KIAA0232: variants seen among roughly 807,000 people sequenced by gnomAD.
The protein encoded by KIAA0232 is uncharacterized protein KIAA0232.
Under a neutral mutation model 122.0 loss-of-function variants are expected in KIAA0232, and 27 were observed. The observed-to-expected ratio is 0.22, with a 90% CI of 0.16 to 0.31. The LOEUF is 0.31. Ranked by LOEUF, KIAA0232 falls within the 10% of genes least tolerant of loss-of-function variation. The pLI is 1.00. For missense variants in KIAA0232, 1,551 were observed against 1,634.2 expected (o/e 0.95, Z 0.88); for synonymous variants, 613 against 587.6 (o/e 1.04, Z -0.63).
At position 6,863,037 on chromosome 4, in the gene KIAA0232, G is replaced by T. The variant is rs1577408838; in HGVS notation, c.2655G>T (p.Leu885=). The part of the protein sequence containing the change: ...DKAVRRSEYH[L]WEGQKESLEK... ...CTGTGCGGAGGTCAGAGTACCATCTGTGGGAGGGACAGAAAGAGAGCCTGG... is the reference window on the plus strand; with the variant it reads ...CTGTGCGGAGGTCAGAGTACCATCTTTGGGAGGGACAGAAAGAGAGCCTGG... Residue 885 remains leucine (L), a synonymous_variant, in exon 7 of 10, where the codon CTG becomes CTT. Transcript: ENST00000307659. The T allele has an allele frequency of 6.2e-7, 1 of 1,614,250 alleles. No individual in the cohort carries two copies. Among genetic ancestry groups the T allele is most frequent in the Non-Finnish European group, 8.5e-7 (1 of 1,180,042 alleles).
At chr4:6,844,366 T>G (rs1719841592) in intron 4 of KIAA0232, among the ~76,000 whole-genome samples, 1 of 152,130 alleles carries the variant, frequency 6.6e-6, no homozygotes, top group African/African-American at 2.4e-5. Context: ...ATCCAATTAT[T>G]TTTTCTCTTC....
intron 4 of KIAA0232, among the ~76,000 whole-genome samples, chr4:6,849,143 C>T (rs901314019): frequency 6.6e-6 from 1 of 152,164 alleles, no homozygotes; most frequent in African/African-American, 2.4e-5. Flanking sequence ...GTGAGCTGTG[C>T]TGGAGGGACA....
At chr4:6,846,298 TA>T (rs1719963271) in intron 4 of KIAA0232, among the ~76,000 whole-genome samples, 3 of 152,222 alleles carry the variant, frequency 2.0e-5, no homozygotes, top group Admixed American at 2.0e-4. Flanking sequence ...ATAGATCCCT[TA>T]AACCAGGTGT....
intron 7 of KIAA0232, among the ~76,000 whole-genome samples, chr4:6,870,845 TTTAC>T (rs1721440352): frequency 6.6e-6 from 1 of 152,036 alleles, no homozygotes; most frequent in Non-Finnish European, 1.5e-5. Context: ...CATTTCTTCT[TTTAC>T]TTACTTCTGC....
intron 2 of KIAA0232, among the ~76,000 whole-genome samples, chr4:6,823,372 T>C (rs1286158053): frequency 6.6e-6 from 1 of 152,174 alleles, no homozygotes; most frequent in Non-Finnish European, 1.5e-5. Context: ...CCACAATGGT[T>C]GAACTAGTTT....
intron 3 of KIAA0232, among the ~76,000 whole-genome samples, chr4:6,832,097 G>A (rs1719016235): frequency 6.6e-6 from 1 of 152,204 alleles, no homozygotes; most frequent in African/African-American, 2.4e-5. Context: ...AGGCAAGAGA[G>A]TTGTGCTGCC....
intron 8 of KIAA0232, among the ~76,000 whole-genome samples, chr4:6,875,141 C>T (rs1284464449): frequency 2.0e-5 from 3 of 152,218 alleles, no homozygotes; most frequent in East Asian, 3.9e-4. Context: ...GCAGAGGACA[C>T]ATGGCATCCT....
Position 6,881,278 on chromosome 4 carries a change from T to A in KIAA0232, c.*312T>A, listed in dbSNP as rs1722059809. 9.5e-6 allele frequency: 2 copies of A among 210,256 alleles called. No homozygotes were observed. The highest frequency in any genetic ancestry group is 1.9e-5 in the Non-Finnish European group (2 of 106,288). The allele number at this position is 210,256 out of a possible 1,614,324, so 13.0% of individuals were successfully genotyped here. A position where few individuals can be genotyped will look rare whatever the true frequency, so the allele number is the denominator to read the frequency against. ...TTTTTGCATCTTAACTGCAGTTAAT[T>A]TTCCTTCCGACTGCGGTTATATCAC... is the stretch of plus-strand genomic sequence containing the variant. On this transcript the variant is annotated 3_prime_UTR_variant, in exon 10 of 10. Transcript: ENST00000307659.
chr4:6,797,505 C>T (rs1577356041), intron 1 of KIAA0232, among the ~76,000 whole-genome samples: 1 of 152,218 alleles, frequency 6.6e-6, no homozygotes, highest in East Asian at 1.9e-4. Flanking sequence ...TGTGGTGGCT[C>T]ACATCTGTAA....
chr4:6,870,985 G>A (rs896444802), intron 7 of KIAA0232, among the ~76,000 whole-genome samples: 5 of 152,158 alleles, frequency 3.3e-5, no homozygotes, highest in African/African-American at 9.7e-5. Flanking sequence ...TTGCTTGGGA[G>A]CGTTTTTATT....
At chr4:6,847,878 T>C (rs775047090) in intron 4 of KIAA0232, among the ~76,000 whole-genome samples, 1 of 151,922 alleles carries the variant, frequency 6.6e-6, no homozygotes, top group Non-Finnish European at 1.5e-5. Flanking sequence ...AAAAAACTAC[T>C]TATATTTGTT....
intron 7 of KIAA0232, among the ~76,000 whole-genome samples, chr4:6,869,075 G>C (rs1410721483): frequency 6.6e-6 from 1 of 152,132 alleles, no homozygotes; most frequent in Non-Finnish European, 1.5e-5. Flanking sequence ...GGAAGACGTG[G>C]TCCCGCCCCT....
chr4:6,859,231 C>T (rs1217599990), intron 6 of KIAA0232, among the ~76,000 whole-genome samples: 2 of 151,532 alleles, frequency 1.3e-5, no homozygotes, highest in Non-Finnish European at 2.9e-5. Flanking sequence ...AACCTGCTTC[C>T]TAAAGATACT....
chr4:6,881,991 G>A lies in KIAA0232; in HGVS notation c.*1025G>A, dbSNP rs1488014012. On this transcript the variant is annotated 3_prime_UTR_variant, in exon 10 of 10. Coordinates refer to ENST00000307659, the MANE Select transcript of KIAA0232 (RefSeq NM_014743.3). ...GTTCTGGGCAAGTTCTGTGTGTGGT[G>A]GGTTGGGGCGGGTAGAGTCATGAGT... The A allele has an allele frequency of 6.5e-6, 1 of 152,676 alleles. No homozygotes were observed. The highest frequency in any genetic ancestry group is 2.4e-5 in the African/African-American group (1 of 41,454). 9.5% of individuals were successfully genotyped at this position (152,676 alleles called of 1,614,324 possible).
At chr4:6,857,503 G>GT (rs1553843073) in intron 5 of KIAA0232, among the ~76,000 whole-genome samples, 3 of 152,230 alleles carry the variant, frequency 2.0e-5, no homozygotes, top group East Asian at 1.9e-4. Context: ...ATGGTTTTCT[G>GT]TTTTTTGGGT....
intron 1 of KIAA0232, among the ~76,000 whole-genome samples, chr4:6,794,638 A>G (rs1399397622): frequency 1.3e-5 from 2 of 152,156 alleles, no homozygotes; most frequent in Non-Finnish European, 2.9e-5. Flanking sequence ...GAAGAGAGAA[A>G]GATGTGGAGA....
At chr4:6,843,455 C>A (rs1251266586) in intron 4 of KIAA0232, among the ~76,000 whole-genome samples, 1 of 152,148 alleles carries the variant, frequency 6.6e-6, no homozygotes, top group African/African-American at 2.4e-5. Context: ...TCCCACCTTT[C>A]TGTTCTCATC....
chr4:6,817,015 C>G (rs1458284680), intron 2 of KIAA0232, among the ~76,000 whole-genome samples: 5 of 151,534 alleles, frequency 3.3e-5, no homozygotes, highest in African/African-American at 1.2e-4. Context: ...GTTAAAGAAC[C>G]TGTTTTTGGT....
intron 3 of KIAA0232, among the ~76,000 whole-genome samples, chr4:6,832,493 C>T (rs1345120315): frequency 6.6e-6 from 1 of 151,864 alleles, no homozygotes; most frequent in Admixed American, 6.6e-5. Context: ...GCATTACAGG[C>T]GCCCACCACC....
Sources: gnomAD v4.1 joint callset for allele counts (sites outside exome capture counted in the v4.1 genomes callset) on GRCh38, gnomAD v4.1.1 for gene constraint, MANE v1.5 for transcripts, NCBI Gene and HGNC (gene_info 2026-07-23, HGNC 2026-07-21) for gene names.